VPS13D: variants seen among roughly 807,000 people sequenced by gnomAD.
The protein encoded by VPS13D is intermembrane lipid transfer protein VPS13D.
Under a neutral mutation model 461.9 loss-of-function variants are expected in VPS13D, and 187 were observed. The ratio of observed to expected loss-of-function variants is 0.40; its 90% CI spans 0.36 to 0.46. The LOEUF is 0.46. Among genes scored for constraint, VPS13D ranks in the 20% least tolerant of loss-of-function variants. The probability of loss-of-function intolerance (pLI) is 0.60; values close to 1 mark genes in which losing one functional copy is unlikely to be tolerated. For missense variants in VPS13D, 4,711 were observed against 5,364.9 expected (o/e 0.88, Z 3.81); for synonymous variants, 1,951 against 1,986.3 (o/e 0.98, Z 0.47).
chr1:12,378,281 A>C, intron 55 of VPS13D, 147 bp from the exon 56 acceptor site: 1 of 623,244 alleles, frequency 1.6e-6, no homozygotes, highest in Non-Finnish European at 2.4e-6. Flanking sequence ...TGAAAGTTTG[A>C]ATTAAGCATT....
At position 12,230,115 on chromosome 1, in the gene VPS13D, C is replaced by A. The variant is rs576139085; in HGVS notation, c.-82C>A. On this transcript the variant is annotated 5_prime_UTR_variant, in exon 1 of 70. Coordinates refer to ENST00000620676, the MANE Select transcript of VPS13D (RefSeq NM_015378.4). ...GGCTGGGGCGGGCGGCCCGGGACAC[C>A]GACAGGTAGGGGCCGAGCGGCTCCG... The A allele has an allele frequency of 6.6e-6, 1 of 151,908 alleles. No individual in the cohort carries two copies. The highest frequency in any genetic ancestry group is 2.4e-5 in the African/African-American group (1 of 41,398). The allele number at this position is 151,908 out of a possible 1,614,324, so 9.4% of individuals were successfully genotyped here.
intron 63 of VPS13D, among the ~76,000 whole-genome samples, chr1:12,412,520 G>C (rs896769458): frequency 6.6e-6 from 1 of 152,176 alleles, no homozygotes; most frequent in Non-Finnish European, 1.5e-5. Flanking sequence ...CGTGACTTTT[G>C]ACAGCATTTA....
At chr1:12,454,692 G>T (rs1570206141) in intron 65 of VPS13D, among the ~76,000 whole-genome samples, 1 of 152,160 alleles carries the variant, frequency 6.6e-6, no homozygotes, top group Non-Finnish European at 1.5e-5. Context: ...TGTGTAACAC[G>T]CACCCTAACC....
At chr1:12,470,866 C>T (rs1260853273) in intron 67 of VPS13D, among the ~76,000 whole-genome samples, 6 of 152,012 alleles carry the variant, frequency 3.9e-5, no homozygotes, top group East Asian at 1.9e-4. Context: ...CCCTCATTAC[C>T]GGGTCCGTTA....
rs778358358 is a variant in VPS13D, at chr1:12,497,624, G to A, written c.12787G>A (p.Asp4263Asn). Residue 4263 changes from aspartate to asparagine, a missense_variant, in exon 68 of 70, where the codon GAC (aspartate) becomes AAC (asparagine). Physicochemically the swap from Asp to Asn is conservative, Grantham distance 23 (BLOSUM62 1). Around this residue, in one of 3 missense-constraint regions of VPS13D, gnomAD observed 194 missense variants for 220.9 expected, o/e 0.88. Coordinates refer to ENST00000620676, the MANE Select transcript of VPS13D (RefSeq NM_015378.4). Reference protein sequence around the residue: ...QLFKLTDNIQDEFFIAVENID... With the variant: ...QLFKLTDNIQNEFFIAVENID... The stretch of plus-strand genomic sequence containing the variant: ...CTTCAAACTCACAGACAACATACAG[G>A]ACGAATTGTAAGTTAGAGCATGGGA... 1 of 1,612,836 alleles carries A rather than the reference G, an allele frequency of 6.2e-7. No homozygotes were observed. Among genetic ancestry groups the A allele is most frequent in the East Asian group, 2.2e-5 (1 of 44,848 alleles).
intron 60 of VPS13D, among the ~76,000 whole-genome samples, chr1:12,393,254 T>C (rs1189108396): frequency 1.3e-5 from 2 of 152,250 alleles, no homozygotes; most frequent in African/African-American, 4.8e-5. Context: ...ACCAGTGTGA[T>C]ATTTTGCGGA....
In VPS13D at chr1:12,283,718, C is replaced by T. The variant is rs746885488; in HGVS notation, c.5616C>T (p.Asn1872=). 6.2e-7 allele frequency: 1 copy of T among 1,612,696 alleles called. No homozygotes were observed. Among genetic ancestry groups the T allele is most frequent in the Admixed American group, 1.7e-5 (1 of 59,928 alleles). Residue 1872 remains asparagine (N), a synonymous_variant, in exon 21 of 70, where the codon AAC becomes AAT. Transcript: ENST00000620676. Reference sequence around the variant, plus strand: ...AGTCTGGACTTCAGGATCCAGTGAACACCAAACTGGATCTCAAGGTATCCT... The same window carrying T: ...AGTCTGGACTTCAGGATCCAGTGAATACCAAACTGGATCTCAAGGTATCCT... The part of the protein sequence containing the change: ...SMESGLQDPV[N]TKLDLKVHSL...
At chr1:12,476,477 C>T (rs546026824) in intron 67 of VPS13D, among the ~76,000 whole-genome samples, 2 of 152,202 alleles carry the variant, frequency 1.3e-5, no homozygotes, top group Admixed American at 6.5e-5. Flanking sequence ...GATTCATTTA[C>T]GTGTATTAAT....
intron 49 of VPS13D, among the ~76,000 whole-genome samples, chr1:12,357,950 T>C (rs1643900916): frequency 6.7e-6 from 1 of 149,810 alleles, no homozygotes; most frequent in Non-Finnish European, 1.5e-5. Context: ...GTTGCAGTGA[T>C]CCTAGACTGT....
Position 12,277,544 on chromosome 1 carries a change from A to C in VPS13D, c.3956A>C (p.Lys1319Thr), listed in dbSNP as rs1480470455. The C allele has an allele frequency of 6.2e-7, 1 of 1,613,936 alleles. No homozygotes were observed. The highest frequency in any genetic ancestry group is 1.3e-5 in the African/African-American group (1 of 74,924). Residue 1319 changes from lysine to threonine, a missense_variant, in exon 19 of 70, where the codon AAA becomes ACA. By Grantham distance (78) the Lys-to-Thr change is moderately conservative (BLOSUM62 -1). Transcript: ENST00000620676. ...ELEENFRGML[K>T]SAATKVTTVL... The stretch of plus-strand genomic sequence containing the variant: ...GAAGAAAATTTTCGAGGTATGCTGA[A>C]AAGCGCAGCCACCAAAGTCACCACA...
chr1:12,398,807 G>T (rs912930073), intron 60 of VPS13D, among the ~76,000 whole-genome samples: 24 of 152,174 alleles, frequency 1.6e-4, no homozygotes, highest in Admixed American at 1.6e-3. Flanking sequence ...TGAGCTCCTG[G>T]TTCTCTAATT....
At chr1:12,427,870 C>G (rs1364453738) in intron 65 of VPS13D, among the ~76,000 whole-genome samples, 2 of 152,160 alleles carry the variant, frequency 1.3e-5, no homozygotes, top group East Asian at 3.9e-4. Context: ...CCTCTCCTTC[C>G]CTGCAGAATG....
chr1:12,342,999 A>G lies in VPS13D; in HGVS notation c.8833A>G (p.Thr2945Ala), dbSNP rs777630119. 58 of 1,613,838 alleles carry G rather than the reference A, an allele frequency of 3.6e-5. No homozygotes were observed. The East Asian group carries it at 1.3e-3, about 35-fold the overall frequency. ...HNVSEWREVL[T>A]GEEIPFEFEA... ...TGTTAGTGAATGGCGAGAAGTCCTT[A>G]CAGGTGAAGAGATTCCCTTTGAATT... Residue 2945 changes from threonine (T) to alanine (A), a missense_variant, in exon 42 of 70, where the codon ACA (threonine) becomes GCA (alanine). Coordinates refer to ENST00000620676, the MANE Select transcript of VPS13D (RefSeq NM_015378.4).
intron 65 of VPS13D, among the ~76,000 whole-genome samples, chr1:12,427,793 T>A (rs1557432353): frequency 6.6e-6 from 1 of 152,174 alleles, no homozygotes; most frequent in Non-Finnish European, 1.5e-5. Context: ...CAGGTTAAGA[T>A]TCACAACATC....
chr1:12,288,803 A>T (rs1642046582), intron 22 of VPS13D, among the ~76,000 whole-genome samples: 1 of 152,082 alleles, frequency 6.6e-6, no homozygotes, highest in African/African-American at 2.4e-5. Flanking sequence ...AGTAGAGGCC[A>T]TGGTGTTATG....
At chr1:12,318,442 A>G in intron 31 of VPS13D, 105 bp downstream of exon 31, 2 of 1,408,568 alleles carry the variant, frequency 1.4e-6, no homozygotes, top group Non-Finnish European at 1.9e-6. Flanking sequence ...TCACGTGAGC[A>G]CTTACACATT....
At chr1:12,275,560 T>C (rs569113448) in intron 18 of VPS13D, among the ~76,000 whole-genome samples, 3 of 152,236 alleles carry the variant, frequency 2.0e-5, no homozygotes, top group East Asian at 3.9e-4. Flanking sequence ...GGAGGCAGCA[T>C]TGGGTCAGCA....
At position 12,495,696 on chromosome 1, in the gene VPS13D, G is replaced by A. The variant is rs987879935; in HGVS notation, c.12663-1804G>A. Among the ~76,000 whole-genome samples the A allele has an allele frequency of 4.6e-5, 7 of 152,166 alleles. No individual in the cohort carries two copies. The highest frequency in any genetic ancestry group is 1.7e-4 in the African/African-American group (7 of 41,432). The stretch of plus-strand genomic sequence containing the variant: ...GAGACGAGTCTGAATCAAACCTTAC[G>A]TTGAAAGTGATGAGGAAGCAGACCC... On this transcript the variant is annotated intron_variant, in intron 67 of 69. Transcript: ENST00000620676. The surrounding 1 kb of genome is among the most constrained non-coding windows in gnomAD (Gnocchi z 4.0).
intron 65 of VPS13D, among the ~76,000 whole-genome samples, chr1:12,429,589 G>A (rs1644966674): frequency 6.6e-6 from 1 of 152,230 alleles, no homozygotes; most frequent in South Asian, 2.1e-4. Flanking sequence ...ACTGCACTTA[G>A]CCCATACAAA....
Sources: allele counts gnomAD v4.1 joint callset (sites outside exome capture counted in the v4.1 genomes callset), GRCh38; gene constraint gnomAD v4.1.1; regional missense constraint gnomAD v4.1.1; non-coding constraint Gnocchi (gnomAD v3.1); transcripts MANE v1.5; gene names NCBI Gene and HGNC (gene_info 2026-07-23, HGNC 2026-07-21).